REPS2: variants seen among roughly 807,000 people sequenced by gnomAD.
REPS2 encodes the protein RALBP1 associated Eps domain containing 2, also known as ralBP1-associated Eps domain-containing protein 2.
Under a neutral mutation model 53.6 loss-of-function variants are expected in REPS2, and 23 were observed. The observed-to-expected ratio is 0.43, with a 90% CI of 0.31 to 0.61. REPS2 has a LOEUF of 0.61. Ranked by LOEUF, REPS2 falls within the 20% of genes least tolerant of loss-of-function variation. The pLI, the probability that REPS2 is intolerant of heterozygous loss-of-function variation, is 0.11. For missense variants in REPS2, 446 were observed against 534.9 expected, an observed-to-expected ratio of 0.83 and a Z score of 1.64; for synonymous variants, 238 against 218.6, an observed-to-expected ratio of 1.09 and a Z score of -0.78.
intron 7 of REPS2, among the ~76,000 whole-genome samples, chrX:17,054,215 T>C (rs768141343): frequency 2.7e-5 from 3 of 112,804 alleles, no homozygotes; most frequent in Non-Finnish European, 3.7e-5. Flanking sequence ...AGTTTTATCC[T>C]AAAACATAAT....
At chrX:17,098,512 A>C (rs943364208) in intron 13 of REPS2, among the ~76,000 whole-genome samples, 1 of 112,192 alleles carries the variant, frequency 8.9e-6, no homozygotes, top group African/African-American at 3.2e-5. Flanking sequence ...GTAGCTCTAG[A>C]TCCAAGTCTA....
chrX:16,954,783 T>G (rs1260848163), intron 1 of REPS2, among the ~76,000 whole-genome samples: 2 of 108,480 alleles, frequency 1.8e-5, no homozygotes, highest in African/African-American at 6.7e-5. Context: ...AATCTTGGGT[T>G]GTTTTTGCTA....
chrX:17,048,002 C>T (rs2064587642), intron 6 of REPS2, among the ~76,000 whole-genome samples: 1 of 112,576 alleles, frequency 8.9e-6, no homozygotes, highest in African/African-American at 3.2e-5. Flanking sequence ...TCTGGGTTGT[C>T]TTCAGATATA....
the REPS2 span, among the ~76,000 whole-genome samples, chrX:17,176,883 G>A: frequency 2.7e-5 from 3 of 112,155 alleles, no homozygotes; most frequent in South Asian, 3.7e-4. Flanking sequence ...TTATCTCTTC[G>A]TTTGACTAAT....
At chrX:17,181,776 A>AAAGGT in the REPS2 span, among the ~76,000 whole-genome samples, 1 of 112,068 alleles carries the variant, frequency 8.9e-6, no homozygotes, top group Non-Finnish European at 1.9e-5. Flanking sequence ...TTAAACTGAT[A>AAAGGT]AAGGTAAGGC....
chrX:17,043,686 C>A (rs2061866396), intron 5 of REPS2, among the ~76,000 whole-genome samples: 1 of 112,387 alleles, frequency 8.9e-6, no homozygotes, highest in Non-Finnish European at 1.9e-5. Context: ...TCCACATTCC[C>A]AAGAATGAGC....
At chrX:17,075,978 C>T (rs2062375951) in intron 12 of REPS2, among the ~76,000 whole-genome samples, 1 of 111,865 alleles carries the variant, frequency 8.9e-6, no homozygotes, top group Non-Finnish European at 1.9e-5. Flanking sequence ...TTCTTCCCTG[C>T]TAGTTTCTGC....
intron 3 of REPS2, chrX:17,022,515 A>C (rs1184362138): frequency 2.0e-5 from 5 of 249,555 alleles, no homozygotes; most frequent in Non-Finnish European, 2.9e-5. Context: ...AAATAAGGCT[A>C]CCGATTTAAT....
At chrX:17,102,012 ATTTAT>A (rs201990722) in intron 13 of REPS2, among the ~76,000 whole-genome samples, 1,081 of 99,219 alleles carry the variant, frequency 0.011, 8 homozygotes, top group African/African-American at 0.025. Context: ...GTTTGCGTAG[ATTTAT>A]TTTATTTTAT....
At chrX:17,131,681 G>A (rs1404997842) in intron 14 of REPS2, among the ~76,000 whole-genome samples, 1 of 111,614 alleles carries the variant, frequency 9.0e-6, no homozygotes, top group East Asian at 2.8e-4. Context: ...AAGACTGGGG[G>A]AAATGGGGGA....
intron 13 of REPS2, among the ~76,000 whole-genome samples, chrX:17,103,060 A>G (rs931431953): frequency 8.9e-6 from 1 of 112,510 alleles, no homozygotes; most frequent in East Asian, 2.8e-4. Context: ...CAAAATTTAA[A>G]ATTAGACTGA....
chrX:17,056,478 A>T (rs753991081), intron 8 of REPS2, among the ~76,000 whole-genome samples: 1 of 111,806 alleles, frequency 8.9e-6, no homozygotes, highest in Non-Finnish European at 1.9e-5. Context: ...TCATGAGGTC[A>T]GGAGATCGAG....
chrX:17,040,640 C>A (rs1357677070), intron 5 of REPS2, among the ~76,000 whole-genome samples: 2 of 111,970 alleles, frequency 1.8e-5, no homozygotes, highest in East Asian at 5.6e-4. Context: ...TTTCTAGGTC[C>A]TTTTCTTCAT....
the REPS2 span, among the ~76,000 whole-genome samples, chrX:17,184,556 G>A: frequency 6.4e-5 from 7 of 108,868 alleles, no homozygotes; most frequent in Non-Finnish European, 1.3e-4. Flanking sequence ...TAATGGGATG[G>A]CTGGGTCAAC....
chrX:17,048,358 G>A (rs1378381233), intron 6 of REPS2, among the ~76,000 whole-genome samples: 1 of 112,048 alleles, frequency 8.9e-6, no homozygotes, highest in African/African-American at 3.2e-5. Context: ...TAATGTTGAC[G>A]TCATGATTAA....
At chrX:17,052,825 A>C (rs1268653554) in intron 7 of REPS2, among the ~76,000 whole-genome samples, 1 of 111,990 alleles carries the variant, frequency 8.9e-6, no homozygotes, top group African/African-American at 3.2e-5. Flanking sequence ...ACTATTTTTT[A>C]TATTTTATAA....
intron 2 of REPS2, among the ~76,000 whole-genome samples, chrX:17,019,103 A>G (rs1484404017): frequency 8.9e-6 from 1 of 112,030 alleles, no homozygotes; most frequent in Non-Finnish European, 1.9e-5. Context: ...CACCACTCCC[A>G]GCCTAAAGTA....
chrX:17,059,004 T>C (rs2062114393), intron 8 of REPS2, among the ~76,000 whole-genome samples: 1 of 109,215 alleles, frequency 9.2e-6, no homozygotes, highest in African/African-American at 3.3e-5. Flanking sequence ...CTTTTTTCTT[T>C]CTTTCTTTCT....
intron 3 of REPS2, among the ~76,000 whole-genome samples, chrX:17,023,815 T>C (rs964321227): frequency 8.9e-6 from 1 of 112,027 alleles, no homozygotes; most frequent in Non-Finnish European, 1.9e-5. Flanking sequence ...TGAATGAGAA[T>C]ACATCCTTTC....
Sources: gnomAD v4.1 joint callset for allele counts (sites outside exome capture counted in the v4.1 genomes callset) on GRCh38, gnomAD v4.1.1 for gene constraint, MANE v1.5 for transcripts, NCBI Gene and HGNC (gene_info 2026-07-23, HGNC 2026-07-21) for gene names.